Variants in KCNK13 observed in about 807,000 individuals in gnomAD.
KCNK13 encodes the protein potassium two pore domain channel subfamily K member 13.
In KCNK13, 12 loss-of-function variants were observed where a neutral mutation model predicts 23.4. The observed-to-expected ratio is 0.51, with a 90% CI of 0.33 to 0.83. The LOEUF (loss-of-function observed/expected upper bound fraction) is 0.83, where lower values mean the gene tolerates loss of function less well. KCNK13 is among the 40% of genes least tolerant of loss of function. KCNK13 has a pLI of 0.02. For missense variants in KCNK13, 463 were observed against 556.3 expected, an observed-to-expected ratio of 0.83 and a Z score of 1.69; for synonymous variants, 231 against 229.5, an observed-to-expected ratio of 1.01 and a Z score of -0.06.
In KCNK13 at chr14:90,142,313, C is replaced by CTTTTTT. The variant is rs59863610; in HGVS notation, c.335-41780_335-41775dup. 2.4e-3 allele frequency among the ~76,000 whole-genome samples: 205 copies of CTTTTTT among 85,230 alleles called. 4 individuals carry two copies. The highest frequency in any genetic ancestry group is 0.011 in the Middle Eastern group (1 of 90). 55.9% of individuals were successfully genotyped at this position (85,230 alleles called of 152,430 possible). A position where few individuals can be genotyped will look rare whatever the true frequency, so the allele number is the denominator to read the frequency against. Reference sequence around the variant, plus strand: ...GTTTTCTTGTTTTGGCTGTCCAATTCTTTTTTTTTTTTTTTTTTTTTTTGA... The same window carrying CTTTTTT: ...GTTTTCTTGTTTTGGCTGTCCAATTCTTTTTTTTTTTTTTTTTTTTTTTTTTTTTGA... On this transcript the variant is annotated intron_variant, in intron 1 of 1. Coordinates refer to ENST00000282146, the MANE Select transcript of KCNK13 (RefSeq NM_022054.4).
intron 1 of KCNK13, among the ~76,000 whole-genome samples, chr14:90,144,088 G>A (rs1483049353): frequency 6.6e-6 from 1 of 152,110 alleles, no homozygotes; most frequent in African/African-American, 2.4e-5. Context: ...ATTGTCATTT[G>A]CTACAAAAAT....
At chr14:90,073,267 C>T (rs60638554) in intron 1 of KCNK13, among the ~76,000 whole-genome samples, 4,706 of 152,214 alleles carry the variant, frequency 0.031, 243 homozygotes, top group African/African-American at 0.11. Context: ...TGTGCTACTA[C>T]GGGTGTAAGG....
intron 1 of KCNK13, among the ~76,000 whole-genome samples, chr14:90,158,141 C>A (rs995424550): frequency 6.6e-6 from 1 of 152,208 alleles, no homozygotes; most frequent in Admixed American, 6.5e-5. Context: ...AGGGAGGCGA[C>A]CACAGCAGGA....
At chr14:90,165,537 A>G (rs1279525445) in intron 1 of KCNK13, among the ~76,000 whole-genome samples, 1 of 152,248 alleles carries the variant, frequency 6.6e-6, no homozygotes, top group African/African-American at 2.4e-5. Context: ...GAAAAGGCAC[A>G]AAGGCACCTT....
chr14:90,097,678 C>T (rs980454099), intron 1 of KCNK13, among the ~76,000 whole-genome samples: 16 of 152,182 alleles, frequency 1.1e-4, no homozygotes, highest in East Asian at 3.8e-4. Context: ...AGCTGCAGCA[C>T]GCAGAGGCTC....
rs1890531737 is a variant in KCNK13, at chr14:90,184,883, G to A, written c.1107G>A (p.Glu369=). The A allele has an allele frequency of 6.2e-7, 1 of 1,613,770 alleles. No individual in the cohort carries two copies. The highest frequency in any genetic ancestry group is 1.1e-5 in the South Asian group (1 of 91,092). The change falls in exon 2 of 2, where the codon GAG becomes GAA. Residue 369 remains glutamate, a synonymous_variant. Coordinates refer to ENST00000282146, the MANE Select transcript of KCNK13 (RefSeq NM_022054.4). The surrounding 1 kb of genome is among the most constrained non-coding windows in gnomAD (Gnocchi z 5.6). ...SLAILQKQLS[E]MANGCPHQTS... ...CCATCCTGCAGAAGCAACTGTCTGA[G>A]ATGGCCAACGGCTGCCCCCACCAGA... is the stretch of plus-strand genomic sequence containing the variant.
Position 90,174,226 on chromosome 14 carries a change from C to T in KCNK13, c.335-9885C>T, listed in dbSNP as rs575424769. On this transcript the variant is annotated intron_variant, in intron 1 of 1. Coordinates refer to ENST00000282146, the MANE Select transcript of KCNK13 (RefSeq NM_022054.4). ...TCATGAGGCTGAGGCAGGAGAATGG[C>T]GTGAACCTGGGAGGTGGAGCTTGCA... Among the ~76,000 whole-genome samples the T allele has an allele frequency of 2.0e-5, 3 of 152,180 alleles. No homozygotes were observed. In the East Asian group the frequency reaches 5.8e-4, roughly 29 times the overall value.
At chr14:90,178,951 G>A (rs1890455093) in intron 1 of KCNK13, among the ~76,000 whole-genome samples, 1 of 152,232 alleles carries the variant, frequency 6.6e-6, no homozygotes, top group African/African-American at 2.4e-5. Context: ...TCTGCTAAAT[G>A]TGGGTGCAGC....
chr14:90,172,043 G>A (rs1047202363), intron 1 of KCNK13, among the ~76,000 whole-genome samples: 9 of 152,282 alleles, frequency 5.9e-5, no homozygotes, highest in Middle Eastern at 3.4e-3. Context: ...GGGGCCAGGC[G>A]TGGTGGCTCA....
intron 1 of KCNK13, among the ~76,000 whole-genome samples, chr14:90,088,122 C>A (rs1596772144): frequency 6.6e-6 from 1 of 152,142 alleles, no homozygotes; most frequent in East Asian, 1.9e-4. Context: ...TACACCTCAG[C>A]CTCCCGGGTA....
chr14:90,124,765 G>T (rs1276732706), intron 1 of KCNK13, among the ~76,000 whole-genome samples: 1 of 152,242 alleles, frequency 6.6e-6, no homozygotes, highest in Non-Finnish European at 1.5e-5. Context: ...GAGATTATAA[G>T]TGTATGTTGT....
intron 1 of KCNK13, among the ~76,000 whole-genome samples, chr14:90,170,738 CAAAT>C (rs1296960727): frequency 1.3e-5 from 2 of 152,068 alleles, no homozygotes; most frequent in Non-Finnish European, 2.9e-5. Context: ...ATGACGTAAA[CAAAT>C]GGGGCAGAGG....
chr14:90,142,313 C>CTTTTTTTTTT (rs59863610), intron 1 of KCNK13, among the ~76,000 whole-genome samples: 3 of 85,250 alleles, frequency 3.5e-5, no homozygotes, highest in Admixed American at 1.8e-4. Context: ...CTGTCCAATT[C>CTTTTTTTTTT]TTTTTTTTTT....
Position 90,185,063 on chromosome 14 carries a change from G to T in KCNK13, c.*60G>T. The T allele has an allele frequency of 7.0e-7, 1 of 1,419,420 alleles. No homozygotes were observed. The highest frequency in any genetic ancestry group is 2.4e-5 in the East Asian group (1 of 41,380). 87.9% of individuals were successfully genotyped at this position (1,419,420 alleles called of 1,614,324 possible). A position where few individuals can be genotyped will look rare whatever the true frequency, so the allele number is the denominator to read the frequency against. ...AGAATGGAGGATGATTGCCGCCCAG[G>T]GGACGAGCTCAGCCCTGCGCCTTGG... On this transcript the variant is annotated 3_prime_UTR_variant, in exon 2 of 2. Transcript: ENST00000282146.
intron 1 of KCNK13, among the ~76,000 whole-genome samples, chr14:90,133,138 A>G (rs1467326261): frequency 6.6e-6 from 1 of 152,242 alleles, no homozygotes; most frequent in African/African-American, 2.4e-5. Flanking sequence ...ACTATGGGCC[A>G]GATGTTTGAC....
intron 1 of KCNK13, among the ~76,000 whole-genome samples, chr14:90,122,836 A>G (rs1289420591): frequency 1.3e-5 from 2 of 152,208 alleles, no homozygotes; most frequent in African/African-American, 2.4e-5. Flanking sequence ...CATTCATTCA[A>G]TACGCACCTA....
intron 1 of KCNK13, among the ~76,000 whole-genome samples, chr14:90,113,928 G>A (rs1185878247): frequency 2.0e-5 from 3 of 151,904 alleles, no homozygotes; most frequent in African/African-American, 7.3e-5. Context: ...GTGAGACTCT[G>A]TCTCAAAAGA....
chr14:90,155,202 G>A (rs1405461358), intron 1 of KCNK13, among the ~76,000 whole-genome samples: 6 of 152,170 alleles, frequency 3.9e-5, no homozygotes, highest in Admixed American at 3.9e-4. Flanking sequence ...ACATGAAGAG[G>A]TGAAAGGATG....
intron 1 of KCNK13, among the ~76,000 whole-genome samples, chr14:90,155,630 G>C (rs1419217797): frequency 6.6e-6 from 1 of 152,132 alleles, no homozygotes; most frequent in African/African-American, 2.4e-5. Context: ...AATATATTTT[G>C]GTAGGTAGAA....
Sources: allele counts gnomAD v4.1 joint callset (sites outside exome capture counted in the v4.1 genomes callset), GRCh38; gene constraint gnomAD v4.1.1; non-coding constraint Gnocchi (gnomAD v3.1); transcripts MANE v1.5; gene names NCBI Gene and HGNC (gene_info 2026-07-23, HGNC 2026-07-21).